SMIM35: variants seen among roughly 807,000 people sequenced by gnomAD.
SMIM35 encodes the protein TMPRSS4 antisense RNA 1 (non-protein coding).
intron 4 of SMIM35, among the ~76,000 whole-genome samples, chr11:118,008,629 G>A (rs1020737068): frequency 2.0e-5 from 3 of 152,240 alleles, no homozygotes; most frequent in Non-Finnish European, 4.4e-5. Flanking sequence ...TGAGCACAAG[G>A]TTGAATGTAG....
At chr11:118,072,417 G>A (rs1299822756) in intron 1 of SMIM35, among the ~76,000 whole-genome samples, 1 of 152,234 alleles carries the variant, frequency 6.6e-6, no homozygotes, top group Non-Finnish European at 1.5e-5. Context: ...GAGCCTGGGA[G>A]GCAGAGGTTG....
chr11:118,039,951 G>A (rs1194360898), intron 1 of SMIM35, among the ~76,000 whole-genome samples: 1 of 151,134 alleles, frequency 6.6e-6, no homozygotes, highest in Non-Finnish European at 1.5e-5. Flanking sequence ...AGGCTGAGGT[G>A]GTAGGATCGC....
chr11:118,051,033 G>A (rs921064298), intron 1 of SMIM35, among the ~76,000 whole-genome samples: 1 of 152,290 alleles, frequency 6.6e-6, no homozygotes, highest in Admixed American at 6.5e-5. Flanking sequence ...AGAAGGGATT[G>A]CTCTGGGCTT....
chr11:118,055,943 A>G (rs945620242), intron 1 of SMIM35, among the ~76,000 whole-genome samples: 1 of 152,042 alleles, frequency 6.6e-6, no homozygotes, highest in African/African-American at 2.4e-5. Flanking sequence ...CCAAGGAAGC[A>G]TCCCTGGACT....
chr11:118,080,554 G>A (rs1272200527), intron 1 of SMIM35, among the ~76,000 whole-genome samples: 3 of 152,132 alleles, frequency 2.0e-5, no homozygotes, highest in Admixed American at 6.6e-5. Flanking sequence ...CGTGACCCCA[G>A]GCCTCTCTCC....
chr11:118,049,678 C>T (rs536130474), intron 1 of SMIM35, among the ~76,000 whole-genome samples: 9 of 152,020 alleles, frequency 5.9e-5, no homozygotes, highest in South Asian at 2.1e-4. Context: ...TTAATTTTTG[C>T]GTGTGTGCTT....
chr11:118,065,622 T>C (rs1200888759), intron 1 of SMIM35, among the ~76,000 whole-genome samples: 1 of 152,210 alleles, frequency 6.6e-6, no homozygotes, highest in East Asian at 1.9e-4. Flanking sequence ...TTGGTCTCTC[T>C]CCACAACCAA....
chr11:118,056,652 G>T (rs1230487151), intron 1 of SMIM35, among the ~76,000 whole-genome samples: 1 of 152,126 alleles, frequency 6.6e-6, no homozygotes, highest in Non-Finnish European at 1.5e-5. Flanking sequence ...CCCAGGAGGA[G>T]AATAAAAGCA....
chr11:118,061,686 C>T (rs147449256), intron 1 of SMIM35, among the ~76,000 whole-genome samples: 7 of 152,102 alleles, frequency 4.6e-5, no homozygotes, highest in Non-Finnish European at 8.8e-5. Context: ...GCCCTTCCTG[C>T]GACCTGGGCT....
chr11:118,050,216 G>C (rs1944188491), intron 1 of SMIM35, among the ~76,000 whole-genome samples: 1 of 152,244 alleles, frequency 6.6e-6, no homozygotes, highest in South Asian at 2.1e-4. Context: ...TGCTGTGAGA[G>C]TCACATGAAG....
intron 1 of SMIM35, among the ~76,000 whole-genome samples, chr11:118,075,439 G>T (rs1185293466): frequency 8.5e-5 from 13 of 152,188 alleles, no homozygotes; most frequent in Admixed American, 8.5e-4. Context: ...CATCACTGGG[G>T]TCCTCCATGG....
chr11:118,066,323 C>T (rs1944474113), intron 1 of SMIM35, among the ~76,000 whole-genome samples: 1 of 152,118 alleles, frequency 6.6e-6, no homozygotes, highest in Admixed American at 6.5e-5. Flanking sequence ...GCTGCCCTAC[C>T]CTGGGTTTGG....
At chr11:118,070,586 T>G (rs1944555617) in intron 1 of SMIM35, among the ~76,000 whole-genome samples, 1 of 152,214 alleles carries the variant, frequency 6.6e-6, no homozygotes, top group South Asian at 2.1e-4. Context: ...CTGTCCTTCC[T>G]GTGTCTTCTA....
chr11:118,069,828 G>A (rs1037443032), intron 1 of SMIM35, among the ~76,000 whole-genome samples: 6 of 152,170 alleles, frequency 3.9e-5, no homozygotes, highest in South Asian at 2.1e-4. Flanking sequence ...TTGGAAAGCC[G>A]AGGCGGGTGG....
chr11:118,030,889 CA>C (rs2058313556), intron 1 of SMIM35, among the ~76,000 whole-genome samples: 1 of 151,458 alleles, frequency 6.6e-6, no homozygotes, highest in African/African-American at 2.4e-5. Context: ...CCCAACAGGG[CA>C]AAAAGAAAGG....
intron 1 of SMIM35, among the ~76,000 whole-genome samples, chr11:118,059,888 G>A (rs1211105199): frequency 6.6e-6 from 1 of 152,200 alleles, no homozygotes; most frequent in African/African-American, 2.4e-5. Context: ...AGGGATCAGA[G>A]GCCTCCCACT....
chr11:118,025,629 T>C (rs1426563106), intron 1 of SMIM35: 1 of 448,456 alleles, frequency 2.2e-6, no homozygotes, highest in Non-Finnish European at 4.5e-6. Flanking sequence ...GCCCACTTTT[T>C]AATGGGGTTA....
chr11:118,022,411 T>C (rs2058238458), intron 1 of SMIM35, among the ~76,000 whole-genome samples: 1 of 152,210 alleles, frequency 6.6e-6, no homozygotes, highest in Non-Finnish European at 1.5e-5. Flanking sequence ...ATATACAATA[T>C]GTTCCCTGAC....
intron 1 of SMIM35, among the ~76,000 whole-genome samples, chr11:118,070,313 A>T (rs944408463): frequency 1.3e-5 from 2 of 152,050 alleles, no homozygotes; most frequent in African/African-American, 4.8e-5. Context: ...AGTAACTGGG[A>T]TTACAGGCAC....
Sources: allele counts gnomAD v4.1 joint callset (sites outside exome capture counted in the v4.1 genomes callset), GRCh38; gene constraint gnomAD v4.1.1; transcripts MANE v1.5; gene names NCBI Gene and HGNC (gene_info 2026-07-23, HGNC 2026-07-21).